The following OSMR variants were observed in gnomAD, a reference collection of about 807,000 sequenced individuals.
The protein encoded by OSMR is oncostatin M receptor.
Under a neutral mutation model 99.9 loss-of-function variants are expected in OSMR, and 81 were observed. The observed-to-expected ratio is 0.81, with a 90% CI of 0.68 to 0.97. OSMR has a LOEUF of 0.97. OSMR is among the 50% of genes least tolerant of loss of function. The probability of loss-of-function intolerance (pLI) is 0.00; values close to 1 mark genes in which losing one functional copy is unlikely to be tolerated. For synonymous variants in OSMR, 406 were observed against 410.4 expected (o/e 0.99, Z 0.13); for missense variants, 1,099 against 1,153.4 (o/e 0.95, Z 0.68).
chr5:38,885,037 C>T (rs1283789794), intron 5 of OSMR, among the ~76,000 whole-genome samples: 3 of 152,134 alleles, frequency 2.0e-5, no homozygotes, highest in Non-Finnish European at 2.9e-5. Context: ...CCACAGCACC[C>T]GAAATGAAAC....
At chr5:38,906,336 A>G (rs1745227731) in intron 9 of OSMR, among the ~76,000 whole-genome samples, 1 of 152,166 alleles carries the variant, frequency 6.6e-6, no homozygotes, top group Admixed American at 6.5e-5. Context: ...ACTGAAGGTG[A>G]ACCTATAGGA....
chr5:38,848,210 C>T (rs1330451127), intron 1 of OSMR, among the ~76,000 whole-genome samples: 1 of 152,158 alleles, frequency 6.6e-6, no homozygotes, highest in Non-Finnish European at 1.5e-5. Flanking sequence ...AGCCTTGGCC[C>T]TCCTTTCGCT....
intron 1 of OSMR, among the ~76,000 whole-genome samples, chr5:38,849,563 A>G (rs1293990523): frequency 6.6e-6 from 1 of 152,118 alleles, no homozygotes; most frequent in African/African-American, 2.4e-5. Context: ...GCTTTTTAAA[A>G]CAACTTTTTT....
At chr5:38,900,323 GA>G (rs993566141) in intron 7 of OSMR, among the ~76,000 whole-genome samples, 33 of 152,322 alleles carry the variant, frequency 2.2e-4, no homozygotes, top group African/African-American at 7.0e-4. Context: ...AGTGATTTAA[GA>G]ATATCTTTCT....
intron 7 of OSMR, among the ~76,000 whole-genome samples, chr5:38,897,250 G>A (rs540041455): frequency 2.6e-5 from 4 of 152,064 alleles, no homozygotes; most frequent in Non-Finnish European, 5.9e-5. Context: ...ATGTTTGGTA[G>A]AGTTTAGCAG....
chr5:38,945,136 G>A (rs2112810128), downstream of OSMR: 3 of 1,082,778 alleles, frequency 2.8e-6, no homozygotes, highest in Non-Finnish European at 2.7e-6. Context: ...TACATTGCAT[G>A]CTAAAAAGAA....
At chr5:38,913,215 TAAAC>T (rs895040129) in intron 9 of OSMR, among the ~76,000 whole-genome samples, 1 of 151,826 alleles carries the variant, frequency 6.6e-6, no homozygotes, top group Non-Finnish European at 1.5e-5. Context: ...ATAAGGAACT[TAAAC>T]AATTCAACAA....
At chr5:38,902,687 G>T (rs1269437624) in intron 7 of OSMR, among the ~76,000 whole-genome samples, 2 of 152,168 alleles carry the variant, frequency 1.3e-5, no homozygotes, top group Non-Finnish European at 2.9e-5. Flanking sequence ...GACCAACCAG[G>T]TTGCTTGAGA....
rs528655582 is a variant in OSMR at position 38,862,193 on chromosome 5, C to T, written c.-13-6839C>T. 3.9e-4 allele frequency among the ~76,000 whole-genome samples: 44 copies of T among 113,244 alleles called. 3 individuals are homozygous for T. In the East Asian group the frequency reaches 0.011, roughly 29 times the overall value. 74.3% of individuals were successfully genotyped at this position (113,244 alleles called of 152,430 possible). A position where few individuals can be genotyped will look rare whatever the true frequency, so the allele number is the denominator to read the frequency against. ...CTCCTCACTTCCCAGTAGGGGCGGC[C>T]GGGCAGAGGCGCCCCTCACCTCCCG... On this transcript the variant is annotated intron_variant, in intron 1 of 17. Transcript: ENST00000274276.
At chr5:38,903,337 T>C (rs992144334) in intron 7 of OSMR, among the ~76,000 whole-genome samples, 11 of 152,202 alleles carry the variant, frequency 7.2e-5, no homozygotes, top group Non-Finnish European at 1.0e-4. Flanking sequence ...ACTTGTACCA[T>C]AGCTGAGAGA....
rs149352086 is a variant in OSMR, at chr5:38,867,978, C to A, written c.-13-1054C>A. Among the ~76,000 whole-genome samples, 459 of 137,178 alleles carry A rather than the reference C, an allele frequency of 3.3e-3. 1 individual carries two copies. The highest frequency in any genetic ancestry group is 8.0e-3 in the South Asian group (32 of 3,992). The allele number at this position is 137,178 out of a possible 152,430, so 90.0% of individuals were successfully genotyped here. On this transcript the variant is annotated intron_variant, in intron 1 of 17. Transcript: ENST00000274276. Reference sequence around the variant, plus strand: ...CTCCAAATAATTAATTTAAATTTAGCTCTCTTGAGACTATTATATTTGGAG... The same window carrying A: ...CTCCAAATAATTAATTTAAATTTAGATCTCTTGAGACTATTATATTTGGAG...
chr5:38,877,260 G>A (rs574017028), intron 3 of OSMR, among the ~76,000 whole-genome samples: 12 of 152,294 alleles, frequency 7.9e-5, no homozygotes, highest in Admixed American at 1.3e-4. Context: ...CCAGGTAGTG[G>A]AGGCTTTGGG....
At chr5:38,907,943 C>G (rs1467419913) in intron 9 of OSMR, among the ~76,000 whole-genome samples, 1 of 152,194 alleles carries the variant, frequency 6.6e-6, no homozygotes, top group Non-Finnish European at 1.5e-5. Context: ...TCCCCTGGTG[C>G]TTCCATTTCT....
intron 1 of OSMR, chr5:38,941,010 G>C: frequency 4.3e-6 from 1 of 232,742 alleles, no homozygotes; most frequent in Non-Finnish European, 8.5e-6. Flanking sequence ...TCTCAAAAAA[G>C]ATAATCCTTT....
At chr5:38,926,012 G>C (rs981100221) in intron 15 of OSMR, among the ~76,000 whole-genome samples, 1 of 152,024 alleles carries the variant, frequency 6.6e-6, no homozygotes, top group Non-Finnish European at 1.5e-5. Context: ...AGAAGGAAGG[G>C]AGAAAAACAG....
Position 38,904,266 on chromosome 5 carries a change from G to A in OSMR, c.1135-87G>A, listed in dbSNP as rs73751808. On this transcript the variant is annotated intron_variant, in intron 8 of 17. Transcript: ENST00000274276. ...CCAGGTCAGGATTTGCTGTGCTCTGGTTTGCCTTTGTAATGGGATGCACTC... is the reference window on the plus strand; with the variant it reads ...CCAGGTCAGGATTTGCTGTGCTCTGATTTGCCTTTGTAATGGGATGCACTC... 1.7e-3 allele frequency: 2,631 copies of A among 1,550,512 alleles called. 48 individuals are homozygous for A. The African/African-American group carries it at 0.032, about 19-fold the overall frequency.
At chr5:38,859,988 G>T (rs1348489462) in intron 1 of OSMR, among the ~76,000 whole-genome samples, 1 of 152,078 alleles carries the variant, frequency 6.6e-6, no homozygotes, top group Non-Finnish European at 1.5e-5. Context: ...GTGGAGTCTA[G>T]GTTTTTATAT....
chr5:38,930,448 C>T (rs1746669479), intron 15 of OSMR, among the ~76,000 whole-genome samples: 1 of 152,150 alleles, frequency 6.6e-6, no homozygotes, highest in African/African-American at 2.4e-5. Flanking sequence ...CAAATCAAGC[C>T]CCATTTCTTC....
At chr5:38,868,886 C>T (rs765407732) in intron 1 of OSMR, 146 bp from the exon 2 acceptor site, 76 of 944,966 alleles carry the variant, frequency 8.0e-5, no homozygotes, top group Non-Finnish European at 1.2e-4. Context: ...TGGGGGGACT[C>T]TAAAGTACCA....
Sources: allele counts gnomAD v4.1 joint callset (sites outside exome capture counted in the v4.1 genomes callset), GRCh38; gene constraint gnomAD v4.1.1; transcripts MANE v1.5; gene names NCBI Gene and HGNC (gene_info 2026-07-23, HGNC 2026-07-21).